The following ATP8B2 variants were observed in gnomAD, a reference collection of about 807,000 sequenced individuals.
The protein encoded by ATP8B2 is phospholipid-transporting ATPase ID.
ATP8B2 carries 70 observed loss-of-function variants against 133.4 expected under a neutral mutation model. The ratio of observed to expected loss-of-function variants is 0.52; its 90% CI spans 0.43 to 0.64. The LOEUF (loss-of-function observed/expected upper bound fraction) is 0.64. Ranked by LOEUF, ATP8B2 falls within the 30% of genes least tolerant of loss-of-function variation. ATP8B2 has a pLI of 0.00. For missense variants in ATP8B2, 1,101 were observed against 1,535.7 expected, an observed-to-expected ratio of 0.72 and a Z score of 4.73; for synonymous variants, 517 against 589.5, an observed-to-expected ratio of 0.88 and a Z score of 1.78.
rs760650211 is a variant in ATP8B2, at chr1:154,334,356, G to A, written c.748+91G>A. The A allele has an allele frequency of 4.9e-4, 763 of 1,558,718 alleles. No homozygotes were observed. The highest frequency in any genetic ancestry group is 6.6e-4 in the Non-Finnish European group (750 of 1,142,316). On this transcript the variant is annotated intron_variant, in intron 10 of 27. Coordinates refer to ENST00000368489, the MANE Select transcript of ATP8B2 (RefSeq NM_001370597.1). The surrounding 1 kb of genome is among the most constrained non-coding windows in gnomAD (Gnocchi z 4.6). The stretch of plus-strand genomic sequence containing the variant: ...TGGGATGAGGTGGGAGAATACCTAA[G>A]GTAAAAAACCTCCAGCTGTGTATAC...
At chr1:154,348,745 T>C (rs142546729) in intron 27 of ATP8B2, 95 bp from the exon 28 acceptor site, 24 of 1,430,244 alleles carry the variant, frequency 1.7e-5, no homozygotes, top group Middle Eastern at 1.9e-4. Context: ...GAGGCCTCTG[T>C]GTCAGCCTGG....
At chr1:154,337,744 A>G in intron 12 of ATP8B2, 200 bp downstream of exon 12, 1 of 1,503,114 alleles carries the variant, frequency 6.7e-7, no homozygotes, top group Non-Finnish European at 8.8e-7. Flanking sequence ...GGACTGTATT[A>G]GAGAAAAAAA....
intron 12 of ATP8B2, chr1:154,337,820 C>T (rs967471816): frequency 2.2e-5 from 27 of 1,240,028 alleles, no homozygotes; most frequent in Non-Finnish European, 2.8e-5. Flanking sequence ...TGCTAGGTGC[C>T]ATCACAAATA....
Position 154,343,867 on chromosome 1 carries a change from G to A in ATP8B2, c.1759-26G>A, listed in dbSNP as rs1477432433. The A allele has an allele frequency of 1.9e-6, 3 of 1,587,488 alleles. No individual in the cohort carries two copies. Among genetic ancestry groups the A allele is most frequent in the Non-Finnish European group, 2.6e-6 (3 of 1,166,766 alleles). Reference sequence around the variant, plus strand: ...TCCATTAGCTCTCCAGACTTACCCAGGTGTGCCTTTCCACTCTGCCTCCAG... The same window carrying A: ...TCCATTAGCTCTCCAGACTTACCCAAGTGTGCCTTTCCACTCTGCCTCCAG... On this transcript the variant is annotated intron_variant, in intron 17 of 27. Transcript: ENST00000368489. This position sits in a 1 kb window ranked among gnomAD's most constrained non-coding sequence, Gnocchi z 5.8.
chr1:154,341,491 C>G (rs1310235707), intron 13 of ATP8B2: 1 of 258,692 alleles, frequency 3.9e-6, no homozygotes, highest in East Asian at 1.0e-4. Context: ...GGCCCTGTCT[C>G]TCGAGAAAAA....
chr1:154,343,539 C>G lies in ATP8B2; in HGVS notation c.1729C>G (p.Leu577Val). The G allele has an allele frequency of 6.2e-7, 1 of 1,614,124 alleles. No individual in the cohort carries two copies. Among genetic ancestry groups the G allele is most frequent in the Non-Finnish European group, 8.5e-7 (1 of 1,180,032 alleles). The part of the protein sequence containing the change: ...LDRLHHSTQE[L>V]LNTTMDHLNE... Reference sequence around the variant, plus strand: ...CAGACTGCACCACTCCACTCAAGAGCTGCTCAACACCACCATGGACCACCT... The same window carrying G: ...CAGACTGCACCACTCCACTCAAGAGGTGCTCAACACCACCATGGACCACCT... The change falls in exon 17 of 28, where the codon CTG becomes GTG. Residue 577 changes from leucine to valine, a missense_variant. Coordinates refer to ENST00000368489, the MANE Select transcript of ATP8B2 (RefSeq NM_001370597.1). The surrounding 1 kb of genome is among the most constrained non-coding windows in gnomAD (Gnocchi z 5.8).
At chr1:154,332,557 G>T in intron 8 of ATP8B2, 61 bp from the exon 9 acceptor site, 1 of 1,365,356 alleles carries the variant, frequency 7.3e-7, no homozygotes, top group Non-Finnish European at 1.0e-6. Flanking sequence ...GACCCCATCT[G>T]TGAAAAAAAA....
chr1:154,335,835 C>T (rs879512592), intron 11 of ATP8B2, among the ~76,000 whole-genome samples: 15 of 151,816 alleles, frequency 9.9e-5, no homozygotes, highest in Non-Finnish European at 1.6e-4. Context: ...GTCAAGAGAT[C>T]AAGACCATCC....
rs572416388 is a variant in ATP8B2, at chr1:154,333,431, G to A, written c.590-676G>A. 1.8e-3 allele frequency among the ~76,000 whole-genome samples: 279 copies of A among 151,652 alleles called. 2 individuals carry two copies. The highest frequency in any genetic ancestry group is 5.0e-3 in the African/African-American group (206 of 41,364). ...AGGCATGAGAGTTGCTTGAACCTGGGAGGTGGAGGTTGCAGTGAGCCGAGA... is the reference window on the plus strand; with the variant it reads ...AGGCATGAGAGTTGCTTGAACCTGGAAGGTGGAGGTTGCAGTGAGCCGAGA... On this transcript the variant is annotated intron_variant, in intron 9 of 27. Transcript: ENST00000368489.
At chr1:154,336,451 GA>G (rs11371032) in intron 11 of ATP8B2, among the ~76,000 whole-genome samples, 9 of 145,546 alleles carry the variant, frequency 6.2e-5, no homozygotes, top group African/African-American at 1.3e-4. Flanking sequence ...GATAAGCTTA[GA>G]AAAAAAAAAT....
In ATP8B2 at chr1:154,335,566, C is replaced by T. The variant is rs776455464; in HGVS notation, c.837+975C>T. Among the ~76,000 whole-genome samples the T allele has an allele frequency of 3.9e-5, 6 of 152,044 alleles. No homozygotes were observed. In the South Asian group the frequency reaches 6.2e-4, roughly 16 times the overall value. Reference sequence around the variant, plus strand: ...AATTAGCCAGGTTTGGTGGCATGCACCTGTGGTCCCAGTTACTCTGGAGGC... The same window carrying T: ...AATTAGCCAGGTTTGGTGGCATGCATCTGTGGTCCCAGTTACTCTGGAGGC... On this transcript the variant is annotated intron_variant, in intron 11 of 27. Coordinates refer to ENST00000368489, the MANE Select transcript of ATP8B2 (RefSeq NM_001370597.1).
chr1:154,338,546 G>A (rs956235965), intron 12 of ATP8B2, among the ~76,000 whole-genome samples: 1 of 152,060 alleles, frequency 6.6e-6, no homozygotes, highest in Non-Finnish European at 1.5e-5. Flanking sequence ...TGTAATCCCA[G>A]CTACTTGGGA....
intron 26 of ATP8B2, among the ~76,000 whole-genome samples, chr1:154,347,607 A>C (rs1686627084): frequency 6.6e-6 from 1 of 152,126 alleles, no homozygotes; most frequent in African/African-American, 2.4e-5. Context: ...AGGGCTCGGA[A>C]TAGAGTAAAA....
Position 154,334,105 on chromosome 1 carries a change from A to G in ATP8B2, c.590-2A>G. On this transcript the variant is annotated splice_acceptor_variant, in intron 9 of 27. Transcript: ENST00000368489. LOFTEE classifies it high-confidence loss of function. This position sits in a 1 kb window ranked among gnomAD's most constrained non-coding sequence, Gnocchi z 4.6. The stretch of plus-strand genomic sequence containing the variant: ...GCAGTGGAATTCTTGTCTCCTGTTC[A>G]GGTGAAGTGATCTGTGAACCTCCCA... The G allele has an allele frequency of 6.2e-7, 1 of 1,613,958 alleles. No individual in the cohort carries two copies. The highest frequency in any genetic ancestry group is 8.5e-7 in the Non-Finnish European group (1 of 1,179,870).
rs776756007 is a variant in ATP8B2, at chr1:154,344,470, A to G, written c.2111A>G (p.His704Arg). The part of the protein sequence containing the change: ...DMTEVFIVTG[H>R]TVLEVREELR... The stretch of plus-strand genomic sequence containing the variant: ...ACTGAGGTTTTCATAGTCACTGGCC[A>G]TACTGTCCTGGAGGTGCGGGAGGAG... The change falls in exon 20 of 28, where the codon CAT (histidine) becomes CGT (arginine). Residue 704 changes from histidine to arginine, a missense_variant. Transcript: ENST00000368489. This position sits in a 1 kb window ranked among gnomAD's most constrained non-coding sequence, Gnocchi z 4.1. The G allele has an allele frequency of 3.1e-6, 5 of 1,614,050 alleles. No individual in the cohort carries two copies. The highest frequency in any genetic ancestry group is 3.3e-4 in the Middle Eastern group (2 of 6,084).
At chr1:154,348,722 G>A in intron 27 of ATP8B2, 118 bp from the exon 28 acceptor site, 6 of 1,383,696 alleles carry the variant, frequency 4.3e-6, no homozygotes, top group Non-Finnish European at 5.7e-6. Flanking sequence ...CTGGTCCCAG[G>A]TGCTGTGGGT....
At chr1:154,327,214 A>G (rs1374043117) in intron 1 of ATP8B2, among the ~76,000 whole-genome samples, 1 of 152,190 alleles carries the variant, frequency 6.6e-6, no homozygotes, top group Non-Finnish European at 1.5e-5. Context: ...TGAGGAGGTG[A>G]AAGGCCTTCC....
rs1156555543 is a variant in ATP8B2 at position 154,349,143 on chromosome 1, C to T, written c.*25C>T. 6.2e-7 allele frequency: 1 copy of T among 1,605,454 alleles called. No homozygotes were observed. The highest frequency in any genetic ancestry group is 8.5e-7 in the Non-Finnish European group (1 of 1,174,210). ...AAGGCCGAGGATGGATGCCCTGTGCCAGTGACCAGAGCACCCAGGGCTGGC... is the reference window on the plus strand; with the variant it reads ...AAGGCCGAGGATGGATGCCCTGTGCTAGTGACCAGAGCACCCAGGGCTGGC... On this transcript the variant is annotated 3_prime_UTR_variant, in exon 28 of 28. Transcript: ENST00000368489.
At chr1:154,342,658 T>C (rs996526390) in intron 14 of ATP8B2, 135 bp downstream of exon 14, 4 of 1,431,098 alleles carry the variant, frequency 2.8e-6, no homozygotes, top group Non-Finnish European at 3.9e-6. Flanking sequence ...AAGGCAGAAC[T>C]GGTGATGACG....
Sources: gnomAD v4.1 joint callset for allele counts (sites outside exome capture counted in the v4.1 genomes callset) on GRCh38, gnomAD v4.1.1 for gene constraint, Gnocchi (gnomAD v3.1) non-coding constraint, MANE v1.5 for transcripts, NCBI Gene and HGNC (gene_info 2026-07-23, HGNC 2026-07-21) for gene names.